The following TM6SF1 variants were observed in gnomAD, a reference collection of about 807,000 sequenced individuals.
The protein encoded by TM6SF1 is transmembrane 6 superfamily member 1.
Under a neutral mutation model 47.1 loss-of-function variants are expected in TM6SF1, and 43 were observed. The ratio of observed to expected loss-of-function variants is 0.91; its 90% confidence interval spans 0.72 to 1.18. The LOEUF (loss-of-function observed/expected upper bound fraction) is 1.18. TM6SF1 is among the 50% of genes most tolerant of loss of function. The probability of loss-of-function intolerance (pLI) is 0.00; values close to 1 mark genes in which losing one functional copy is unlikely to be tolerated. For synonymous variants in TM6SF1, 177 were observed against 166.3 expected, an observed-to-expected ratio of 1.06 and a Z score of -0.49; for missense variants, 390 against 449.0, an observed-to-expected ratio of 0.87 and a Z score of 1.19.
chr15:83,132,290 C>A (rs893281618), intron 9 of TM6SF1: 2 of 152,300 alleles, frequency 1.3e-5, no homozygotes, highest in South Asian at 4.1e-4. Flanking sequence ...AACCTGAAGA[C>A]AAACTAATTA....
chr15:83,116,432 T>C (rs1360569911), intron 3 of TM6SF1, among the ~76,000 whole-genome samples: 1 of 152,184 alleles, frequency 6.6e-6, no homozygotes, highest in Non-Finnish European at 1.5e-5. Flanking sequence ...TATTTTCTTA[T>C]TTTATGGTGG....
intron 7 of TM6SF1, 66 bp from the exon 8 acceptor site, chr15:83,126,689 C>G: frequency 2.3e-6 from 3 of 1,325,516 alleles, no homozygotes; most frequent in Non-Finnish European, 3.2e-6. Flanking sequence ...GCACATTTAG[C>G]CTTATCAGCA....
At chr15:83,134,778 T>G (rs1270151793) in intron 9 of TM6SF1, 1 of 152,222 alleles carries the variant, frequency 6.6e-6, no homozygotes, top group Non-Finnish European at 1.5e-5. Flanking sequence ...AGGGATCAAA[T>G]GTGGCTTCCA....
chr15:83,124,330 T>C (rs2035539484), intron 6 of TM6SF1, among the ~76,000 whole-genome samples: 1 of 152,192 alleles, frequency 6.6e-6, no homozygotes, highest in Non-Finnish European at 1.5e-5. Context: ...TTTACATGTA[T>C]TACTGGAAAA....
At chr15:83,120,250 C>G (rs1343048820) in intron 4 of TM6SF1, among the ~76,000 whole-genome samples, 1 of 152,204 alleles carries the variant, frequency 6.6e-6, no homozygotes, top group Non-Finnish European at 1.5e-5. Context: ...CTAGCTTGGT[C>G]TTGGGAGGCA....
chr15:83,115,714 C>T (rs2034597011), intron 2 of TM6SF1, 131 bp from the exon 3 acceptor site: 1 of 735,998 alleles, frequency 1.4e-6, no homozygotes, highest in Non-Finnish European at 2.4e-6. Flanking sequence ...TTCTGTTAGT[C>T]TATCTCGATA....
intron 4 of TM6SF1, among the ~76,000 whole-genome samples, chr15:83,121,236 A>G (rs78534440): frequency 1.3e-5 from 2 of 149,910 alleles, no homozygotes; most frequent in African/African-American, 4.9e-5. Flanking sequence ...ATGCCCAGCT[A>G]ATTTTTTTTT....
Position 83,107,765 on chromosome 15 carries a change from C to A in TM6SF1, c.85C>A (p.Gln29Lys). 1 of 1,581,352 alleles carries A rather than the reference C, an allele frequency of 6.3e-7. No homozygotes were observed. Among genetic ancestry groups the A allele is most frequent in the Non-Finnish European group, 8.6e-7 (1 of 1,165,378 alleles). Residue 29 changes from glutamine to lysine, a missense_variant, in exon 1 of 10, where the codon CAG (glutamine) becomes AAG (lysine). Transcript: ENST00000322019. This position sits in a 1 kb window ranked among gnomAD's most constrained non-coding sequence, Gnocchi z 5.6. Reference protein sequence around the residue: ...VTYVFNHLAAQHDSWTIVGVA... With the variant: ...VTYVFNHLAAKHDSWTIVGVA... ...CTATGTCTTCAACCACCTGGCGGCC[C>A]AGCATGAGTGAGTGAGCCGGCGCGG...
rs1325505743 is a variant in TM6SF1 at position 83,107,778 on chromosome 15, T to C, written c.92+6T>C. 6.3e-7 allele frequency: 1 copy of C among 1,575,732 alleles called. No homozygotes were observed. On this transcript the variant is annotated splice_donor_region_variant and intron_variant, in intron 1 of 9. Transcript: ENST00000322019. This position sits in a 1 kb window ranked among gnomAD's most constrained non-coding sequence, Gnocchi z 5.6. ...CACCTGGCGGCCCAGCATGAGTGAG[T>C]GAGCCGGCGCGGCGGGGGTCGCGCC... is the stretch of plus-strand genomic sequence containing the variant.
At chr15:83,124,121 T>C (rs963175716) in intron 6 of TM6SF1, among the ~76,000 whole-genome samples, 2 of 152,220 alleles carry the variant, frequency 1.3e-5, no homozygotes, top group Non-Finnish European at 2.9e-5. Context: ...GGTGTTTCCA[T>C]ATGGTATTCA....
intron 3 of TM6SF1, among the ~76,000 whole-genome samples, chr15:83,116,774 C>T (rs745739416): frequency 1.3e-5 from 2 of 152,070 alleles, no homozygotes; most frequent in Admixed American, 1.3e-4. Flanking sequence ...TTTAGAGAAT[C>T]GGAGTGGCTG....
chr15:83,118,248 CACACACACACACA>C (rs2034877641), intron 3 of TM6SF1, among the ~76,000 whole-genome samples: 1 of 151,946 alleles, frequency 6.6e-6, no homozygotes, highest in African/African-American at 2.4e-5. Flanking sequence ...CACACACACA[CACACACACACACA>C]CACATACAGA....
At chr15:83,125,364 G>A (rs1319971464) in intron 7 of TM6SF1, among the ~76,000 whole-genome samples, 1 of 152,158 alleles carries the variant, frequency 6.6e-6, no homozygotes, top group Non-Finnish European at 1.5e-5. Context: ...TTACTGCAGA[G>A]GTTAGGAAAA....
chr15:83,127,869 C>T (rs2151377465), intron 9 of TM6SF1: 1 of 261,872 alleles, frequency 3.8e-6, no homozygotes. Flanking sequence ...TTCAGAATTC[C>T]ACTACGCTAT....
At chr15:83,126,970 A>C (rs2035815113) in intron 8 of TM6SF1, 123 bp downstream of exon 8, 1 of 716,384 alleles carries the variant, frequency 1.4e-6, no homozygotes, top group Non-Finnish European at 2.3e-6. Flanking sequence ...AGGCAGGTTG[A>C]TCACGAGGTC....
intron 3 of TM6SF1, among the ~76,000 whole-genome samples, chr15:83,116,556 G>A (rs570183252): frequency 2.2e-4 from 34 of 152,350 alleles, no homozygotes; most frequent in African/African-American, 7.7e-4. Context: ...AGCTTTGTAT[G>A]TACGCTGTGG....
intron 3 of TM6SF1, among the ~76,000 whole-genome samples, chr15:83,116,809 T>C (rs1224878673): frequency 6.6e-6 from 1 of 152,052 alleles, no homozygotes; most frequent in Non-Finnish European, 1.5e-5. Flanking sequence ...TGGGGACAAA[T>C]TGGGAGTGAT....
intron 1 of TM6SF1, among the ~76,000 whole-genome samples, chr15:83,108,055 A>C (rs2033825755): frequency 6.6e-6 from 1 of 152,138 alleles, no homozygotes; most frequent in African/African-American, 2.4e-5. Flanking sequence ...CAATACGGCC[A>C]TGCCCCTGCC....
At chr15:83,136,288 A>G in intron 9 of TM6SF1, 193 bp from the exon 10 acceptor site, 1 of 444,346 alleles carries the variant, frequency 2.3e-6, no homozygotes, top group East Asian at 3.3e-5. Flanking sequence ...ATGGCCCTAA[A>G]TTTAATCAAG....
Sources: gnomAD v4.1 joint callset for allele counts (sites outside exome capture counted in the v4.1 genomes callset) on GRCh38, gnomAD v4.1.1 for gene constraint, Gnocchi (gnomAD v3.1) non-coding constraint, MANE v1.5 for transcripts, NCBI Gene and HGNC (gene_info 2026-07-23, HGNC 2026-07-21) for gene names.